The following CNKSR2 variants were observed in gnomAD, a reference collection of about 807,000 sequenced individuals.
The protein encoded by CNKSR2 is CNK homolog protein 2.
A neutral mutation model predicts 84.4 loss-of-function variants in CNKSR2; 14 were observed. The ratio of observed to expected loss-of-function variants is 0.17; its 90% CI spans 0.11 to 0.26. The LOEUF (loss-of-function observed/expected upper bound fraction) is 0.26, where lower values mean the gene tolerates loss of function less well. Among genes scored for constraint, CNKSR2 ranks in the 10% least tolerant of loss-of-function variants. The pLI is 1.00. For missense variants in CNKSR2, 485 were observed against 771.2 expected, an observed-to-expected ratio of 0.63 and a Z score of 4.40; for synonymous variants, 275 against 277.9, an observed-to-expected ratio of 0.99 and a Z score of 0.10.
intron 20 of CNKSR2, among the ~76,000 whole-genome samples, chrX:21,616,435 T>A (rs1011283476): frequency 8.9e-6 from 1 of 111,739 alleles, no homozygotes; most frequent in Non-Finnish European, 1.9e-5. Context: ...GCTAAAGTTA[T>A]TTTATCCAAC....
chrX:21,562,598 G>A (rs769824113), intron 12 of CNKSR2, among the ~76,000 whole-genome samples: 1 of 111,244 alleles, frequency 9.0e-6, no homozygotes, highest in African/African-American at 3.3e-5. Context: ...TTGTTCTATA[G>A]AATAAATCAA....
chrX:21,588,962 A>T (rs1023369422), intron 13 of CNKSR2, among the ~76,000 whole-genome samples: 2 of 112,771 alleles, frequency 1.8e-5, no homozygotes, highest in Non-Finnish European at 3.8e-5. Flanking sequence ...AATGAGCTAT[A>T]CTTAAGCACA....
chrX:21,575,328 T>C (rs951273499), intron 13 of CNKSR2, among the ~76,000 whole-genome samples: 10 of 111,168 alleles, frequency 9.0e-5, no homozygotes, highest in African/African-American at 3.3e-4. Context: ...TTGGTTTTTT[T>C]ATTAAAAAAA....
At position 21,619,707 on chromosome X, in the gene CNKSR2, A is replaced by G. The variant is rs2092593531; in HGVS notation, c.2692+10090A>G. On this transcript the variant is annotated intron_variant, in intron 20 of 21. Transcript: ENST00000379510. ...GTAACTTACGAAATGGACACTGTAA[A>G]GCATACACCTTGAGATTCTTGGTGA... Among the ~76,000 whole-genome samples the G allele has an allele frequency of 2.7e-5, 3 of 110,589 alleles. No individual in the cohort carries two copies. In the Admixed American group the frequency reaches 2.9e-4, roughly 11 times the overall value.
intron 4 of CNKSR2, among the ~76,000 whole-genome samples, chrX:21,443,298 T>G (rs2090810656): frequency 8.9e-6 from 1 of 111,906 alleles, no homozygotes. Context: ...AAAATAAATG[T>G]CAGAGATTTT....
chrX:21,517,607 G>T (rs1458395701), intron 9 of CNKSR2, among the ~76,000 whole-genome samples: 1 of 111,047 alleles, frequency 9.0e-6, no homozygotes. Flanking sequence ...AGGCAAGGAT[G>T]TAATGATTTT....
rs548101625 is a variant in CNKSR2 at position 21,562,097 on chromosome X, T to G, written c.1393+537T>G. On this transcript the variant is annotated intron_variant, in intron 12 of 21. Coordinates refer to ENST00000379510, the MANE Select transcript of CNKSR2 (RefSeq NM_014927.5). ...TCAGAGTTATCTTCTTACATGGGGGTGGGCTACTCTTGAAGGATCTACCAA... is the reference window on the plus strand; with the variant it reads ...TCAGAGTTATCTTCTTACATGGGGGGGGGCTACTCTTGAAGGATCTACCAA... 3.7e-5 allele frequency among the ~76,000 whole-genome samples: 4 copies of G among 109,013 alleles called. No homozygotes were observed. In the East Asian group the frequency reaches 1.2e-3, roughly 31 times the overall value. 94.7% of individuals were successfully genotyped at this position (109,013 alleles called of 115,157 possible).
At chrX:21,414,604 G>A (rs1201524430) in intron 1 of CNKSR2, among the ~76,000 whole-genome samples, 1 of 111,327 alleles carries the variant, frequency 9.0e-6, no homozygotes, top group African/African-American at 3.3e-5. Flanking sequence ...GGTTGCCTGT[G>A]ATTGTGGGGT....
At chrX:21,451,726 A>G (rs1394658551) in intron 4 of CNKSR2, among the ~76,000 whole-genome samples, 3 of 102,406 alleles carry the variant, frequency 2.9e-5, no homozygotes, top group Non-Finnish European at 6.0e-5. Context: ...GAGGGATAGC[A>G]TTAGGAGATA....
At chrX:21,610,153 A>T (rs1453433450) in intron 20 of CNKSR2, among the ~76,000 whole-genome samples, 3 of 112,534 alleles carry the variant, frequency 2.7e-5, no homozygotes, top group African/African-American at 9.7e-5. Flanking sequence ...GATTTCACAT[A>T]GCATTTCTTT....
At chrX:21,648,794 C>CTTT (rs33962399) in intron 20 of CNKSR2, 37 bp from the exon 21 acceptor site, 3,168 of 310,844 alleles carry the variant, frequency 0.01, 135 homozygotes, top group African/African-American at 0.046. Flanking sequence ...CTCTCTCTTT[C>CTTT]TTTTTTTTTT....
chrX:21,554,665 G>A (rs1170610964), intron 11 of CNKSR2, among the ~76,000 whole-genome samples: 2 of 110,812 alleles, frequency 1.8e-5, no homozygotes, highest in Non-Finnish European at 3.8e-5. Context: ...ACATGATCTT[G>A]TTCTTTTTTA....
intron 2 of CNKSR2, among the ~76,000 whole-genome samples, chrX:21,431,870 G>A (rs2147066121): frequency 9.0e-6 from 1 of 111,680 alleles, no homozygotes; most frequent in Non-Finnish European, 1.9e-5. Flanking sequence ...TGAAATGTGA[G>A]AACAAAGAAA....
intron 9 of CNKSR2, among the ~76,000 whole-genome samples, chrX:21,526,296 C>A (rs192036561): frequency 8.1e-5 from 9 of 111,222 alleles, no homozygotes; most frequent in African/African-American, 2.9e-4. Flanking sequence ...CTTATTTTGA[C>A]AGAAAAAATA....
At chrX:21,429,927 AT>A (rs773110210) in intron 2 of CNKSR2, among the ~76,000 whole-genome samples, 38 of 111,955 alleles carry the variant, frequency 3.4e-4, no homozygotes, top group Non-Finnish European at 6.4e-4. Context: ...AATTTTAAAA[AT>A]TAAAAAGTTA....
At chrX:21,485,449 A>G (rs1330693690) in intron 5 of CNKSR2, among the ~76,000 whole-genome samples, 1 of 110,834 alleles carries the variant, frequency 9.0e-6, no homozygotes, top group Admixed American at 9.7e-5. Flanking sequence ...GTGTGTGTGT[A>G]TATATATATG....
At chrX:21,428,760 T>C (rs2090597914) in intron 2 of CNKSR2, 1 of 111,676 alleles carries the variant, frequency 9.0e-6, no homozygotes, top group Non-Finnish European at 1.9e-5. Flanking sequence ...CATGTACTTA[T>C]AATTTCAGGC....
At chrX:21,504,756 C>G in intron 8 of CNKSR2, 1 of 295,383 alleles carries the variant, frequency 3.4e-6, no homozygotes, top group Non-Finnish European at 5.9e-6. Context: ...AGTTTTATGT[C>G]CTTTTTCATG....
intron 5 of CNKSR2, among the ~76,000 whole-genome samples, chrX:21,478,161 C>A (rs1297405122): frequency 1.8e-5 from 2 of 111,521 alleles, no homozygotes; most frequent in Non-Finnish European, 3.8e-5. Flanking sequence ...TCTGTCTCAG[C>A]CCCCTTTATT....
Sources: allele counts gnomAD v4.1 joint callset (sites outside exome capture counted in the v4.1 genomes callset), GRCh38; gene constraint gnomAD v4.1.1; transcripts MANE v1.5; gene names NCBI Gene and HGNC (gene_info 2026-07-23, HGNC 2026-07-21).